Variants in PRKCA observed in about 807,000 individuals in gnomAD.
PRKCA encodes protein kinase C alpha.
In PRKCA, 27 loss-of-function variants were observed where a neutral mutation model predicts 87.0. The ratio of observed to expected loss-of-function variants is 0.31; its 90% CI spans 0.23 to 0.43. PRKCA has a LOEUF of 0.43. Ranked by LOEUF, PRKCA falls within the 20% of genes least tolerant of loss-of-function variation. PRKCA has a pLI of 1.00. For synonymous variants in PRKCA, 329 were observed against 311.1 expected (o/e 1.06, Z -0.61); for missense variants, 518 against 852.3 (o/e 0.61, Z 4.88).
chr17:66,390,969 G>T (rs1484626186), intron 2 of PRKCA, among the ~76,000 whole-genome samples: 1 of 151,466 alleles, frequency 6.6e-6, no homozygotes, highest in East Asian at 1.9e-4. Flanking sequence ...GAAGAAATCA[G>T]ACCCTCCTGA....
intron 4 of PRKCA, among the ~76,000 whole-genome samples, chr17:66,644,424 C>T (rs572199152): frequency 4.6e-5 from 7 of 152,134 alleles, no homozygotes; most frequent in Non-Finnish European, 8.8e-5. Flanking sequence ...CTTCTGGAAG[C>T]CTAAAGGTAC....
chr17:66,651,110 G>A (rs945977233), intron 5 of PRKCA, among the ~76,000 whole-genome samples: 2 of 152,130 alleles, frequency 1.3e-5, no homozygotes, highest in African/African-American at 4.8e-5. Context: ...CAGTGGAGCC[G>A]GGAGGACAGG....
intron 1 of PRKCA, among the ~76,000 whole-genome samples, chr17:66,305,746 A>T (rs1904780691): frequency 6.6e-6 from 1 of 152,242 alleles, no homozygotes; most frequent in South Asian, 2.1e-4. Context: ...TTACAATTTT[A>T]ACCATAAACT....
At chr17:66,333,686 G>A (rs775926183) in intron 2 of PRKCA, among the ~76,000 whole-genome samples, 7 of 152,090 alleles carry the variant, frequency 4.6e-5, no homozygotes, top group Non-Finnish European at 8.8e-5. Flanking sequence ...GGCCTTTGCA[G>A]TTCTGTTGTC....
At chr17:66,320,202 G>T (rs1905570236) in intron 2 of PRKCA, among the ~76,000 whole-genome samples, 2 of 152,106 alleles carry the variant, frequency 1.3e-5, no homozygotes, top group African/African-American at 2.4e-5. Flanking sequence ...TGTAGAACTG[G>T]CTATAAGAGT....
At chr17:66,718,366 GC>G (rs1409009115) in intron 8 of PRKCA, among the ~76,000 whole-genome samples, 1 of 152,184 alleles carries the variant, frequency 6.6e-6, no homozygotes, top group Non-Finnish European at 1.5e-5. Flanking sequence ...AGGCGGGAGT[GC>G]AGTGGCACAA....
chr17:66,530,418 G>A (rs1273859913), intron 3 of PRKCA, among the ~76,000 whole-genome samples: 3 of 152,110 alleles, frequency 2.0e-5, no homozygotes, highest in South Asian at 4.2e-4. Context: ...AAAATACTTG[G>A]GCAGAAAGAA....
chr17:66,693,009 A>G (rs1182830094), intron 8 of PRKCA, among the ~76,000 whole-genome samples: 1 of 152,200 alleles, frequency 6.6e-6, no homozygotes, highest in Non-Finnish European at 1.5e-5. Flanking sequence ...CCTTCTCCAA[A>G]AATCAAAAGT....
chr17:66,681,085 C>T (rs1052601079), intron 5 of PRKCA, among the ~76,000 whole-genome samples: 8 of 152,058 alleles, frequency 5.3e-5, no homozygotes, highest in Non-Finnish European at 1.2e-4. Context: ...TAAAATTAGC[C>T]AGGTGTGATG....
rs571658757 is a variant in PRKCA at position 66,648,872 on chromosome 17, C to A, written c.529+3361C>A. Among the ~76,000 whole-genome samples the A allele has an allele frequency of 2.6e-3, 400 of 152,054 alleles. 5 individuals are homozygous for A. The highest frequency in any genetic ancestry group is 2.4e-3 in the Non-Finnish European group (164 of 67,984). On this transcript the variant is annotated intron_variant, in intron 5 of 16. Coordinates refer to ENST00000413366, the MANE Select transcript of PRKCA (RefSeq NM_002737.3). ...CTTTGGGAGGCCGAGGCGGGTGGAT[C>A]GCTTGAGGTCAGGAGCTTGAGACCA...
chr17:66,631,402 C>T (rs1385856766), intron 3 of PRKCA, among the ~76,000 whole-genome samples: 2 of 152,032 alleles, frequency 1.3e-5, no homozygotes, highest in African/African-American at 4.8e-5. Context: ...TTTTAAACAT[C>T]TTATTTTTAT....
intron 5 of PRKCA, among the ~76,000 whole-genome samples, chr17:66,674,875 A>G (rs779245805): frequency 4.6e-5 from 7 of 152,176 alleles, no homozygotes; most frequent in Non-Finnish European, 8.8e-5. Flanking sequence ...TTCATTGTTC[A>G]TGCTTGAGAA....
At chr17:66,385,093 T>C (rs1351840309) in intron 2 of PRKCA, among the ~76,000 whole-genome samples, 1 of 152,134 alleles carries the variant, frequency 6.6e-6, no homozygotes, top group Non-Finnish European at 1.5e-5. Flanking sequence ...CTCCTCTGGG[T>C]TGGGTGGTTG....
chr17:66,778,119 T>C, intron 14 of PRKCA: 1 of 985,406 alleles, frequency 1.0e-6, no homozygotes, highest in South Asian at 4.7e-5. Context: ...TCTCAATAGT[T>C]CTGCAAACTT....
chr17:66,790,658 T>C (rs1975512645), intron 16 of PRKCA, among the ~76,000 whole-genome samples: 2 of 152,226 alleles, frequency 1.3e-5, no homozygotes, highest in Non-Finnish European at 2.9e-5. Context: ...GACCCCGCCT[T>C]GAGGGTTGGG....
Position 66,806,267 on chromosome 17 carries a change from A to C in PRKCA, c.*2230A>C, listed in dbSNP as rs902454875. 6.6e-6 allele frequency: 1 copy of C among 152,234 alleles called. No individual in the cohort carries two copies. The highest frequency in any genetic ancestry group is 2.4e-5 in the African/African-American group (1 of 41,442). The allele number at this position is 152,234 out of a possible 1,614,324, so 9.4% of individuals were successfully genotyped here. On this transcript the variant is annotated 3_prime_UTR_variant, in exon 17 of 17. Coordinates refer to ENST00000413366, the MANE Select transcript of PRKCA (RefSeq NM_002737.3). ...GAAGTTCACAGAACACACAACCATGAAAGGCTTTTTGAGGTGAGAGGCCCA... is the reference window on the plus strand; with the variant it reads ...GAAGTTCACAGAACACACAACCATGCAAGGCTTTTTGAGGTGAGAGGCCCA...
At chr17:66,651,685 G>A (rs2037254987) in intron 5 of PRKCA, among the ~76,000 whole-genome samples, 2 of 152,192 alleles carry the variant, frequency 1.3e-5, no homozygotes, top group Admixed American at 6.5e-5. Flanking sequence ...CGTAGATGGT[G>A]ATGCAGCAGA....
chr17:66,336,947 T>C (rs1210118839), intron 2 of PRKCA, among the ~76,000 whole-genome samples: 1 of 151,890 alleles, frequency 6.6e-6, no homozygotes, highest in Non-Finnish European at 1.5e-5. Context: ...CGCCACCACG[T>C]CCAGCTAATT....
chr17:66,492,308 G>GC (rs1916281891), intron 2 of PRKCA, among the ~76,000 whole-genome samples: 1 of 152,154 alleles, frequency 6.6e-6, no homozygotes, highest in Admixed American at 6.5e-5. Context: ...GATAATGAGG[G>GC]CCCGGGTCTT....
Sources: gnomAD v4.1 joint callset for allele counts (sites outside exome capture counted in the v4.1 genomes callset) on GRCh38, gnomAD v4.1.1 for gene constraint, MANE v1.5 for transcripts, NCBI Gene and HGNC (gene_info 2026-07-23, HGNC 2026-07-21) for gene names.